Variants in PDE4D observed in about 807,000 individuals in gnomAD.
PDE4D encodes the protein 3',5'-cyclic-AMP phosphodiesterase 4D.
A neutral mutation model predicts 87.4 loss-of-function variants in PDE4D; 24 were observed. That is an observed-to-expected ratio of 0.27 (90% CI 0.20 to 0.39). The LOEUF is 0.39. Ranked by LOEUF, PDE4D falls within the 10% of genes least tolerant of loss-of-function variation. The pLI is 1.00. For missense variants in PDE4D, 714 were observed against 1,041.0 expected, an observed-to-expected ratio of 0.69 and a Z score of 4.32; for synonymous variants, 384 against 383.2, an observed-to-expected ratio of 1.00 and a Z score of -0.02.
chr5:58,986,727 G>C (rs1498612), intron 11 of PDE4D, among the ~76,000 whole-genome samples: 124,110 of 152,036 alleles, frequency 0.82, 50,813 homozygotes, highest in Admixed American at 0.88. Flanking sequence ...AAAACCTGGT[G>C]CCTGGTGCCA....
chr5:59,586,868 T>C (rs760816510), intron 1 of PDE4D: 2 of 985,454 alleles, frequency 2.0e-6, no homozygotes, highest in Non-Finnish European at 2.4e-6. Context: ...GAAATGAATA[T>C]TGCTTTTTCT....
At chr5:59,839,109 C>T (rs1742586708) in intron 1 of PDE4D, among the ~76,000 whole-genome samples, 1 of 151,852 alleles carries the variant, frequency 6.6e-6, no homozygotes, top group South Asian at 2.1e-4. Flanking sequence ...ACTGAACGTT[C>T]CACTGAACGT....
At chr5:59,761,140 T>G (rs955379098) in intron 1 of PDE4D, among the ~76,000 whole-genome samples, 3 of 152,178 alleles carry the variant, frequency 2.0e-5, no homozygotes, top group African/African-American at 7.2e-5. Context: ...TGGTTAAGTA[T>G]TTGTATATCT....
intron 5 of PDE4D, among the ~76,000 whole-genome samples, chr5:59,094,320 A>C (rs1007925683): frequency 4.6e-5 from 7 of 151,974 alleles, no homozygotes; most frequent in African/African-American, 1.7e-4. Context: ...TTGGAAAATA[A>C]AAATGTGTGT....
At chr5:60,345,597 AAG>A (rs971585292) in intron 1 of PDE4D, among the ~76,000 whole-genome samples, 3 of 151,912 alleles carry the variant, frequency 2.0e-5, no homozygotes, top group Admixed American at 6.6e-5. Flanking sequence ...ATTATATTGA[AAG>A]AGTTTTCCTT....
At chr5:59,448,789 T>C (rs138297220) in intron 1 of PDE4D, among the ~76,000 whole-genome samples, 111 of 152,264 alleles carry the variant, frequency 7.3e-4, no homozygotes, top group African/African-American at 9.6e-4. Context: ...TATGCCACCA[T>C]GCCCAGCTAA....
chr5:60,216,844 G>A lies in PDE4D; in HGVS notation c.-89-31157C>T, dbSNP rs534775809. Among the ~76,000 whole-genome samples, 4 of 152,048 alleles carry A rather than the reference G, an allele frequency of 2.6e-5. No homozygotes were observed. The South Asian group carries it at 8.3e-4, about 32-fold the overall frequency. The stretch of plus-strand genomic sequence containing the variant: ...AATAGACAGTTCTATAATAATAGTT[G>A]GATACTTTAATACTCTGCTTTCATT... On this transcript the variant is annotated intron_variant, in intron 1 of 16. Transcript: ENST00000502484.
At chr5:59,140,926 TTAAAGA>T (rs1221766842) in intron 5 of PDE4D, among the ~76,000 whole-genome samples, 2 of 152,204 alleles carry the variant, frequency 1.3e-5, no homozygotes, top group Non-Finnish European at 2.9e-5. Context: ...GCGTATTCCT[TTAAAGA>T]TAAAAATTAT....
chr5:59,917,035 C>T (rs1754138336), intron 3 of PDE4D, among the ~76,000 whole-genome samples: 1 of 128,954 alleles, frequency 7.8e-6, no homozygotes, highest in Non-Finnish European at 1.6e-5. Context: ...AACTATTGGT[C>T]TCAAGTGATC....
At chr5:60,366,305 C>A (rs956887056) in intron 1 of PDE4D, among the ~76,000 whole-genome samples, 1 of 151,966 alleles carries the variant, frequency 6.6e-6, no homozygotes, top group Non-Finnish European at 1.5e-5. Flanking sequence ...GGACACCAAG[C>A]AATTTGAGGC....
At chr5:59,307,449 G>T (rs1024165306) in intron 1 of PDE4D, among the ~76,000 whole-genome samples, 2 of 151,906 alleles carry the variant, frequency 1.3e-5, no homozygotes, top group Non-Finnish European at 2.9e-5. Flanking sequence ...GAAAATTTTC[G>T]CAACCTACTC....
intron 1 of PDE4D, among the ~76,000 whole-genome samples, chr5:60,498,038 C>T (rs556233418): frequency 7.2e-5 from 11 of 152,152 alleles, no homozygotes; most frequent in African/African-American, 2.2e-4. Context: ...GTTGTTTAGC[C>T]GAAAAGAAAC....
At chr5:60,244,771 C>T (rs766572785) in intron 1 of PDE4D, among the ~76,000 whole-genome samples, 5 of 151,932 alleles carry the variant, frequency 3.3e-5, no homozygotes, top group Non-Finnish European at 7.4e-5. Flanking sequence ...AACCCAATCC[C>T]TATCTCTCAC....
At chr5:59,335,885 G>A (rs1304628465) in intron 1 of PDE4D, among the ~76,000 whole-genome samples, 3 of 152,136 alleles carry the variant, frequency 2.0e-5, no homozygotes, top group Non-Finnish European at 2.9e-5. Flanking sequence ...GAATAACTAT[G>A]GCTTGGAAAT....
intron 5 of PDE4D, among the ~76,000 whole-genome samples, chr5:59,176,542 C>T (rs1027638244): frequency 7.1e-6 from 1 of 141,614 alleles, no homozygotes; most frequent in African/African-American, 2.6e-5. Flanking sequence ...GCGATAAGAG[C>T]AAAACTCTAT....
intron 1 of PDE4D, among the ~76,000 whole-genome samples, chr5:59,887,386 T>C (rs1032581600): frequency 3.3e-5 from 5 of 152,164 alleles, no homozygotes; most frequent in Admixed American, 6.5e-5. Context: ...GATAAAATGT[T>C]CCTCAGGATA....
At chr5:59,128,228 G>A (rs762601980) in intron 5 of PDE4D, among the ~76,000 whole-genome samples, 7 of 151,884 alleles carry the variant, frequency 4.6e-5, no homozygotes, top group Non-Finnish European at 2.9e-5. Context: ...GTCCCCACGT[G>A]AAGCCCATAT....
chr5:59,913,138 A>G (rs910601031), intron 3 of PDE4D, among the ~76,000 whole-genome samples: 2 of 152,254 alleles, frequency 1.3e-5, no homozygotes, highest in African/African-American at 4.8e-5. Context: ...GCAATTTTCC[A>G]AGGGCATGAG....
chr5:59,697,400 C>A (rs1189840008), intron 1 of PDE4D, among the ~76,000 whole-genome samples: 1 of 152,102 alleles, frequency 6.6e-6, no homozygotes, highest in Non-Finnish European at 1.5e-5. Context: ...GGAAGGAGAA[C>A]CTGAGACCTG....
Sources: gnomAD v4.1 joint callset for allele counts (sites outside exome capture counted in the v4.1 genomes callset) on GRCh38, gnomAD v4.1.1 for gene constraint, MANE v1.5 for transcripts, NCBI Gene and HGNC (gene_info 2026-07-23, HGNC 2026-07-21) for gene names.